TOMM34: variants seen among roughly 807,000 people sequenced by gnomAD.
TOMM34 encodes mitochondrial import receptor subunit TOM34.
A neutral mutation model predicts 37.4 loss-of-function variants in TOMM34; 24 were observed. That is an observed-to-expected ratio of 0.64 (90% CI 0.46 to 0.90). The LOEUF (loss-of-function observed/expected upper bound fraction) is 0.90. Ranked by LOEUF, TOMM34 falls within the 40% of genes least tolerant of loss-of-function variation. TOMM34 has a pLI of 0.00. For missense variants in TOMM34, 304 were observed against 375.6 expected, an observed-to-expected ratio of 0.81 and a Z score of 1.58; for synonymous variants, 154 against 148.9, an observed-to-expected ratio of 1.03 and a Z score of -0.25.
intron 5 of TOMM34, among the ~76,000 whole-genome samples, chr20:44,943,886 G>C (rs550967527): frequency 1.3e-5 from 2 of 151,936 alleles, no homozygotes; most frequent in Non-Finnish European, 2.9e-5. Context: ...GCTGTACTGC[G>C]CTCTCCTATA....
chr20:44,943,962 T>C (rs1250731238), intron 5 of TOMM34, among the ~76,000 whole-genome samples: 1 of 151,546 alleles, frequency 6.6e-6, no homozygotes, highest in Non-Finnish European at 1.5e-5. Flanking sequence ...AAAAATTATC[T>C]ACTTTAAGGG....
chr20:44,949,962 G>A (rs1301142526), intron 4 of TOMM34, among the ~76,000 whole-genome samples: 1 of 152,152 alleles, frequency 6.6e-6, no homozygotes, highest in African/African-American at 2.4e-5. Flanking sequence ...ATTCATCTGT[G>A]TTGATGCACA....
rs2066954199 is a variant in TOMM34, at chr20:44,943,530, A to C, written c.748T>G (p.Cys250Gly). The change falls in exon 6 of 7, where the codon TGC becomes GGC. Residue 250 changes from cysteine (C) to glycine (G), a missense_variant. Physicochemically the swap from Cys to Gly is radical, Grantham distance 159 (BLOSUM62 -3). Coordinates refer to ENST00000372813, the MANE Select transcript of TOMM34 (RefSeq NM_006809.5). The part of the protein sequence containing the change: ...LKQYTEAVKD[C>G]TEALKLDGKN... ...CCATCCAGCTTGAGGGCTTCTGTGC[A>C]GTCCTTCACTGCTTCTGTGTACTGC... 2 of 1,614,164 alleles carry C rather than the reference A, an allele frequency of 1.2e-6. No individual in the cohort carries two copies. The highest frequency in any genetic ancestry group is 4.5e-5 in the East Asian group (2 of 44,878).
chr20:44,948,661 G>A, intron 5 of TOMM34, 69 bp downstream of exon 5: 2 of 1,573,730 alleles, frequency 1.3e-6, no homozygotes, highest in Non-Finnish European at 1.7e-6. Context: ...AGGGCCCATT[G>A]CAGTCCAAGA....
intron 5 of TOMM34, among the ~76,000 whole-genome samples, chr20:44,944,518 T>C (rs2066964282): frequency 6.6e-6 from 1 of 152,230 alleles, no homozygotes; most frequent in Non-Finnish European, 1.5e-5. Context: ...ATGAACATCC[T>C]TGTGCAAGGG....
At chr20:44,949,855 C>G (rs1364449312) in intron 4 of TOMM34, among the ~76,000 whole-genome samples, 2 of 152,142 alleles carry the variant, frequency 1.3e-5, no homozygotes, top group Non-Finnish European at 2.9e-5. Context: ...AGATCATTTG[C>G]TGTTTACTTT....
chr20:44,958,105 TGTATAC>T (rs369028580), intron 1 of TOMM34, among the ~76,000 whole-genome samples: 16 of 101,244 alleles, frequency 1.6e-4, no homozygotes, highest in Non-Finnish European at 3.1e-4. Flanking sequence ...TATGTATATA[TGTATAC>T]ATGTACATGT....
chr20:44,952,709 G>A (rs979763597), intron 3 of TOMM34: 5 of 716,584 alleles, frequency 7.0e-6, no homozygotes, highest in Non-Finnish European at 1.3e-5. Flanking sequence ...CACCTGGTAT[G>A]TCACCTAGCA....
chr20:44,956,600 T>C (rs1568664991), intron 1 of TOMM34, 115 bp from the exon 2 acceptor site: 3 of 939,022 alleles, frequency 3.2e-6, no homozygotes, highest in South Asian at 3.0e-5. Context: ...TAGAGATAAC[T>C]ATAACCTGTT....
At chr20:44,945,315 G>A (rs905332562) in intron 5 of TOMM34, among the ~76,000 whole-genome samples, 2 of 152,162 alleles carry the variant, frequency 1.3e-5, no homozygotes, top group Non-Finnish European at 2.9e-5. Flanking sequence ...TAAAAGACAG[G>A]CACAAATTCT....
intron 5 of TOMM34, among the ~76,000 whole-genome samples, chr20:44,945,295 T>C (rs2066970793): frequency 6.6e-6 from 1 of 152,196 alleles, no homozygotes. Flanking sequence ...AAAATCTTCT[T>C]GTAACAACTT....
chr20:44,955,690 A>C (rs543254369), intron 2 of TOMM34: 9 of 455,694 alleles, frequency 2.0e-5, no homozygotes, highest in South Asian at 1.4e-4. Flanking sequence ...ACCGTACCCC[A>C]CAGATTGGTT....
chr20:44,959,863 T>C (rs2067109758), intron 1 of TOMM34: 1 of 943,430 alleles, frequency 1.1e-6, no homozygotes, highest in African/African-American at 1.8e-5. Context: ...AAGAATGCGC[T>C]GTCCTTGAGA....
chr20:44,944,128 T>C (rs531236585), intron 5 of TOMM34, among the ~76,000 whole-genome samples: 1 of 152,210 alleles, frequency 6.6e-6, no homozygotes, highest in Non-Finnish European at 1.5e-5. Flanking sequence ...ATAATACTAA[T>C]TGTAGAATTT....
At chr20:44,955,401 G>C in intron 2 of TOMM34, 181 bp from the exon 3 acceptor site, 1 of 725,944 alleles carries the variant, frequency 1.4e-6, no homozygotes, top group South Asian at 1.6e-5. Flanking sequence ...CTGAAGTGAG[G>C]AGGAGAAAGA....
intron 5 of TOMM34, among the ~76,000 whole-genome samples, chr20:44,946,941 T>G (rs571263066): frequency 1.1e-4 from 17 of 152,148 alleles, no homozygotes; most frequent in Non-Finnish European, 2.2e-4. Flanking sequence ...AATGCTCTGA[T>G]TAAGAAGAAT....
At chr20:44,955,465 T>C in intron 2 of TOMM34, 2 of 621,712 alleles carry the variant, frequency 3.2e-6, no homozygotes, top group Admixed American at 2.1e-5. Flanking sequence ...TCAATTTTCA[T>C]AGTTTCAGTT....
In TOMM34 at chr20:44,943,916, G is replaced by A. The variant is rs190913792; in HGVS notation, c.699-337C>T. On this transcript the variant is annotated intron_variant, in intron 5 of 6. Transcript: ENST00000372813. ...CCTATACTGAGCTCTTTCAAGCAAA[G>A]AAAAGGTTTCCTGAAACTTTTCCCT... 2.0e-5 allele frequency among the ~76,000 whole-genome samples: 3 copies of A among 152,050 alleles called. No homozygotes were observed. The East Asian group carries it at 5.8e-4, about 29-fold the overall frequency.
At chr20:44,958,598 T>C in intron 1 of TOMM34, 1 of 214,354 alleles carries the variant, frequency 4.7e-6, no homozygotes, top group Non-Finnish European at 9.9e-6. Flanking sequence ...CTGAGCTCTC[T>C]TCGTGATCAA....
Sources: allele counts gnomAD v4.1 joint callset (sites outside exome capture counted in the v4.1 genomes callset), GRCh38; gene constraint gnomAD v4.1.1; transcripts MANE v1.5; gene names NCBI Gene and HGNC (gene_info 2026-07-23, HGNC 2026-07-21).